The following PRKG1 variants were observed in gnomAD, a reference collection of about 807,000 sequenced individuals.
PRKG1 encodes the protein cGMP-dependent protein kinase 1.
A neutral mutation model predicts 88.1 loss-of-function variants in PRKG1; 35 were observed. That is an observed-to-expected ratio of 0.40 (90% confidence interval 0.30 to 0.53). The LOEUF (loss-of-function observed/expected upper bound fraction) is 0.53. Among genes scored for constraint, PRKG1 ranks in the 20% least tolerant of loss-of-function variants. The pLI is 0.59. For synonymous variants in PRKG1, 303 were observed against 292.5 expected, an observed-to-expected ratio of 1.04 and a Z score of -0.37; for missense variants, 540 against 839.8, an observed-to-expected ratio of 0.64 and a Z score of 4.41.
intron 5 of PRKG1, among the ~76,000 whole-genome samples, chr10:51,935,736 T>C (rs889159166): frequency 6.6e-6 from 1 of 152,104 alleles, no homozygotes; most frequent in Non-Finnish European, 1.5e-5. Flanking sequence ...ACCCCATACT[T>C]TTCTAGGTTT....
intron 2 of PRKG1, among the ~76,000 whole-genome samples, chr10:51,462,725 G>T (rs929624297): frequency 1.1e-4 from 16 of 152,070 alleles, no homozygotes; most frequent in African/African-American, 3.6e-4. Flanking sequence ...AGCGATAAAA[G>T]AGCTAAATAA....
intron 3 of PRKG1, among the ~76,000 whole-genome samples, chr10:51,717,591 G>A (rs935522272): frequency 3.3e-5 from 5 of 152,082 alleles, no homozygotes; most frequent in Admixed American, 2.6e-4. Flanking sequence ...CAGCACTTTG[G>A]GAGGCTGAGG....
intron 7 of PRKG1, among the ~76,000 whole-genome samples, chr10:52,118,664 T>C (rs190585749): frequency 2.0e-5 from 3 of 152,220 alleles, no homozygotes; most frequent in African/African-American, 4.8e-5. Context: ...TGGCTTTTAG[T>C]ACTTTTCATT....
chr10:51,076,934 C>T (rs1279596884), intron 1 of PRKG1, among the ~76,000 whole-genome samples: 1 of 152,070 alleles, frequency 6.6e-6, no homozygotes, highest in Non-Finnish European at 1.5e-5. Flanking sequence ...TGCCATGATG[C>T]TTTGGGTGAC....
At chr10:51,141,077 G>A (rs1845809328) in intron 1 of PRKG1, among the ~76,000 whole-genome samples, 1 of 152,130 alleles carries the variant, frequency 6.6e-6, no homozygotes, top group Non-Finnish European at 1.5e-5. Flanking sequence ...TTTGCTCAGT[G>A]TCCCACAACC....
intron 7 of PRKG1, among the ~76,000 whole-genome samples, chr10:52,101,907 A>T (rs1371346016): frequency 2.0e-5 from 3 of 152,238 alleles, no homozygotes; most frequent in Non-Finnish European, 4.4e-5. Context: ...AAGAGGAGTC[A>T]GCACCAGGAC....
intron 4 of PRKG1, among the ~76,000 whole-genome samples, chr10:51,873,942 C>G (rs1841225404): frequency 6.6e-6 from 1 of 152,150 alleles, no homozygotes. Context: ...AGTCCTCTAT[C>G]TTGTTTATAC....
chr10:51,828,559 C>T (rs1189305385), intron 4 of PRKG1, among the ~76,000 whole-genome samples: 1 of 152,172 alleles, frequency 6.6e-6, no homozygotes, highest in Non-Finnish European at 1.5e-5. Flanking sequence ...TATACTGGAA[C>T]AACCTGATAT....
At chr10:51,578,980 G>GGTTTTTTTTTTTTT (rs1837957931) in intron 3 of PRKG1, among the ~76,000 whole-genome samples, 1 of 77,828 alleles carries the variant, frequency 1.3e-5, no homozygotes, top group Non-Finnish European at 2.5e-5. Context: ...AGTTCTGTTG[G>GGTTTTTTTTTTTTT]TTTTTTTTTT....
intron 1 of PRKG1, among the ~76,000 whole-genome samples, chr10:51,016,673 C>CTTGTTTTTTTTTT (rs1564571435): frequency 2.8e-5 from 1 of 35,184 alleles, no homozygotes; most frequent in Non-Finnish European, 4.8e-5. Context: ...ATTATCCTTT[C>CTTGTTTTTTTTTT]TTTTTTTTTT....
chr10:51,535,485 G>A (rs1347987276), intron 3 of PRKG1, among the ~76,000 whole-genome samples: 1 of 152,150 alleles, frequency 6.6e-6, no homozygotes, highest in Non-Finnish European at 1.5e-5. Flanking sequence ...AGTGTTTTGT[G>A]TCTTATGATC....
At chr10:51,918,603 A>G (rs1842396261) in intron 5 of PRKG1, among the ~76,000 whole-genome samples, 1 of 152,192 alleles carries the variant, frequency 6.6e-6, no homozygotes, top group Non-Finnish European at 1.5e-5. Context: ...GCTCTGTAAG[A>G]ATACACAAAC....
At chr10:51,091,838 C>T (rs1006331955) in intron 1 of PRKG1, among the ~76,000 whole-genome samples, 2 of 152,106 alleles carry the variant, frequency 1.3e-5, no homozygotes, top group Non-Finnish European at 2.9e-5. Context: ...GGAATAATTG[C>T]TCCATTTTAG....
chr10:52,085,641 A>C (rs1846893786), intron 7 of PRKG1, among the ~76,000 whole-genome samples: 1 of 152,124 alleles, frequency 6.6e-6, no homozygotes, highest in Non-Finnish European at 1.5e-5. Flanking sequence ...AAGAGCCCTG[A>C]TTCTTTTTAA....
intron 9 of PRKG1, among the ~76,000 whole-genome samples, chr10:52,224,836 T>TATATATATAC (rs1457134141): frequency 1.1e-4 from 10 of 89,874 alleles, no homozygotes; most frequent in East Asian, 6.8e-4. Context: ...TATATATATA[T>TATATATATAC]ATACATACAT....
chr10:51,701,286 T>C (rs1460614353), intron 3 of PRKG1, among the ~76,000 whole-genome samples: 1 of 152,208 alleles, frequency 6.6e-6, no homozygotes, highest in Non-Finnish European at 1.5e-5. Flanking sequence ...ATTATGAAAC[T>C]TTTAAATTTC....
chr10:52,239,486 A>AAAAAAT (rs899264153), intron 9 of PRKG1, among the ~76,000 whole-genome samples: 1 of 147,288 alleles, frequency 6.8e-6, no homozygotes, highest in African/African-American at 2.5e-5. Flanking sequence ...TATATGAGGA[A>AAAAAAT]AAAAATAAAA....
At chr10:51,256,232 T>A (rs1839555318) in intron 2 of PRKG1, among the ~76,000 whole-genome samples, 1 of 152,176 alleles carries the variant, frequency 6.6e-6, no homozygotes, top group African/African-American at 2.4e-5. Flanking sequence ...CAGAGGAGTT[T>A]TAAATTACTA....
At chr10:52,172,275 C>T (rs1838720475) in intron 9 of PRKG1, among the ~76,000 whole-genome samples, 1 of 152,188 alleles carries the variant, frequency 6.6e-6, no homozygotes, top group Non-Finnish European at 1.5e-5. Context: ...AATTCTAGTG[C>T]TGCTGACTTG....
Sources: gnomAD v4.1 joint callset for allele counts (sites outside exome capture counted in the v4.1 genomes callset) on GRCh38, gnomAD v4.1.1 for gene constraint, MANE v1.5 for transcripts, NCBI Gene and HGNC (gene_info 2026-07-23, HGNC 2026-07-21) for gene names.